The following SNAP91 variants were observed in gnomAD, a reference collection of about 807,000 sequenced individuals.
The protein encoded by SNAP91 is synaptosome associated protein 91, also known as clathrin coat assembly protein AP180.
SNAP91 carries 27 observed loss-of-function variants against 100.3 expected under a neutral mutation model. The ratio of observed to expected loss-of-function variants is 0.27; its 90% confidence interval spans 0.20 to 0.37. SNAP91 has a LOEUF of 0.37. Among genes scored for constraint, SNAP91 ranks in the 10% least tolerant of loss-of-function variants. The probability of loss-of-function intolerance (pLI) is 1.00; values close to 1 mark genes in which losing one functional copy is unlikely to be tolerated. For missense variants in SNAP91, 986 were observed against 1,123.7 expected (o/e 0.88, Z 1.75); for synonymous variants, 404 against 398.6 (o/e 1.01, Z -0.16).
intron 7 of SNAP91, among the ~76,000 whole-genome samples, chr6:83,648,490 C>T (rs139900248): frequency 4.0e-5 from 6 of 151,706 alleles, no homozygotes; most frequent in Non-Finnish European, 8.8e-5. Flanking sequence ...CCTAGTGGGT[C>T]ATAAGTTAGG....
chr6:83,605,249 T>G (rs2095537900), intron 14 of SNAP91, among the ~76,000 whole-genome samples: 1 of 152,126 alleles, frequency 6.6e-6, no homozygotes, highest in South Asian at 2.1e-4. Flanking sequence ...TAAAATCAAT[T>G]CAGGCCTAAA....
At chr6:83,572,849 T>C (rs550120917) in intron 26 of SNAP91, among the ~76,000 whole-genome samples, 2 of 152,340 alleles carry the variant, frequency 1.3e-5, no homozygotes, top group African/African-American at 4.8e-5. Flanking sequence ...TTAATGTCAT[T>C]ATGTAGTATT....
chr6:83,602,613 G>A (rs115000505), intron 14 of SNAP91, among the ~76,000 whole-genome samples: 63 of 152,070 alleles, frequency 4.1e-4, no homozygotes, highest in African/African-American at 1.5e-3. Flanking sequence ...GTATCCACCG[G>A]GCAAATTGTA....
rs951897290 is a variant in SNAP91 at position 83,659,404 on chromosome 6, T to C, written c.453-312A>G. ...TCTAAATCTATAATAAAGGTAATAG[T>C]GTTGAAAAGTATGTTTTCTTCTTTT... is the stretch of plus-strand genomic sequence containing the variant. On this transcript the variant is annotated intron_variant, in intron 5 of 29. Transcript: ENST00000369694. Among the ~76,000 whole-genome samples the C allele has an allele frequency of 4.0e-5, 6 of 151,498 alleles. No individual in the cohort carries two copies. The East Asian group carries it at 1.2e-3, about 29-fold the overall frequency.
intron 2 of SNAP91, among the ~76,000 whole-genome samples, chr6:83,698,487 G>A (rs755634757): frequency 2.6e-5 from 4 of 152,048 alleles, no homozygotes; most frequent in Non-Finnish European, 5.9e-5. Flanking sequence ...ACTAAGCAAG[G>A]TGACTAGTTG....
intron 2 of SNAP91, among the ~76,000 whole-genome samples, chr6:83,676,148 T>C (rs757382031): frequency 2.0e-5 from 3 of 151,926 alleles, no homozygotes; most frequent in Non-Finnish European, 2.9e-5. Flanking sequence ...CTTTGTTGAT[T>C]AATATATTAA....
chr6:83,651,928 T>G (rs563372609), intron 7 of SNAP91, among the ~76,000 whole-genome samples: 52 of 152,278 alleles, frequency 3.4e-4, no homozygotes, highest in African/African-American at 1.2e-3. Context: ...TTGTCTGCTG[T>G]TAGGTGCATA....
At position 83,556,223 on chromosome 6, in the gene SNAP91, G is replaced by A; in HGVS notation, c.2654C>T (p.Ala885Val). The A allele has an allele frequency of 6.4e-7, 1 of 1,568,460 alleles. No homozygotes were observed. The highest frequency in any genetic ancestry group is 8.6e-7 in the Non-Finnish European group (1 of 1,156,354). ...GTQLSPSPTP[A>V]SQSPKKPPAK... ...TGGAGGTTTCTTGGGACTCTGACTG[G>A]CAGGTGTAGGGCTTGGAGAAAGCTA... Residue 885 changes from alanine (A) to valine (V), a missense_variant, in exon 29 of 30, where the codon GCC (alanine) becomes GTC (valine). By Grantham distance (64) the Ala-to-Val change is moderately conservative. Transcript: ENST00000369694.
intron 8 of SNAP91, among the ~76,000 whole-genome samples, chr6:83,625,112 C>T (rs2128427497): frequency 6.6e-6 from 1 of 152,160 alleles, no homozygotes; most frequent in East Asian, 1.9e-4. Context: ...CAAGATTTAG[C>T]TCTCACTAAT....
intron 14 of SNAP91, among the ~76,000 whole-genome samples, chr6:83,602,683 G>T (rs926314989): frequency 8.5e-5 from 13 of 152,088 alleles, no homozygotes; most frequent in Non-Finnish European, 1.9e-4. Flanking sequence ...AGAAATTAGA[G>T]AATTTCTTTA....
chr6:83,639,052 C>T (rs1012056757), intron 8 of SNAP91, among the ~76,000 whole-genome samples: 3 of 152,158 alleles, frequency 2.0e-5, no homozygotes, highest in Non-Finnish European at 4.4e-5. Flanking sequence ...TGAATAGTTC[C>T]ATAGAACTTG....
At position 83,601,359 on chromosome 6, in the gene SNAP91, A is replaced by T; in HGVS notation, c.1236T>A (p.Thr412=). The change falls in exon 16 of 30, where the codon ACT becomes ACA. Residue 412 remains threonine, a synonymous_variant. Coordinates refer to ENST00000369694, the MANE Select transcript of SNAP91 (RefSeq NM_001242792.2). ...AGGCAGTTGCAATTTCAGCAGTTGTAGTAGGAGGGGTAGGTTCTGGTGCAA... is the reference window on the plus strand; with the variant it reads ...AGGCAGTTGCAATTTCAGCAGTTGTTGTAGGAGGGGTAGGTTCTGGTGCAA... ...DPFAPEPTPP[T]TTAEIATASA... The T allele has an allele frequency of 1.2e-6, 2 of 1,613,682 alleles. No individual in the cohort carries two copies. The highest frequency in any genetic ancestry group is 1.7e-6 in the Non-Finnish European group (2 of 1,179,810).
intron 8 of SNAP91, among the ~76,000 whole-genome samples, chr6:83,638,601 A>C (rs1289470632): frequency 6.6e-6 from 1 of 152,194 alleles, no homozygotes; most frequent in African/African-American, 2.4e-5. Context: ...TGTGATAAGA[A>C]GGCACTGAAA....
intron 26 of SNAP91, among the ~76,000 whole-genome samples, chr6:83,563,380 T>G (rs759210833): frequency 6.6e-6 from 1 of 152,076 alleles, no homozygotes; most frequent in Non-Finnish European, 1.5e-5. Flanking sequence ...GGGAAATTCC[T>G]CAACCCAATA....
At chr6:83,664,944 A>G (rs2098648607) in intron 3 of SNAP91, among the ~76,000 whole-genome samples, 1 of 152,142 alleles carries the variant, frequency 6.6e-6, no homozygotes, top group Non-Finnish European at 1.5e-5. Context: ...GCAGCCATCA[A>G]TATCAGGGCA....
At chr6:83,698,547 A>C (rs759072805) in intron 2 of SNAP91, among the ~76,000 whole-genome samples, 7 of 152,266 alleles carry the variant, frequency 4.6e-5, no homozygotes, top group Non-Finnish European at 7.4e-5. Context: ...TTACTCCCTT[A>C]GTAAAATTAA....
At chr6:83,641,250 A>AT in intron 7 of SNAP91, 48 bp from the exon 8 acceptor site, 2 of 818,144 alleles carry the variant, frequency 2.4e-6, no homozygotes, top group Non-Finnish European at 3.7e-6. Flanking sequence ...ATTATGTTCT[A>AT]TTTTTTTCTA....
chr6:83,586,378 T>C (rs988844013), intron 22 of SNAP91, among the ~76,000 whole-genome samples: 1 of 152,234 alleles, frequency 6.6e-6, no homozygotes, highest in African/African-American at 2.4e-5. Context: ...CTGGACCATA[T>C]AGTCCCTTGT....
intron 13 of SNAP91, 62 bp from the exon 14 acceptor site, chr6:83,605,865 G>T: frequency 1.6e-6 from 2 of 1,277,742 alleles, no homozygotes; most frequent in South Asian, 1.4e-5. Context: ...AGGTGTTTTT[G>T]AATAAAGACA....
Sources: allele counts gnomAD v4.1 joint callset (sites outside exome capture counted in the v4.1 genomes callset), GRCh38; gene constraint gnomAD v4.1.1; transcripts MANE v1.5; gene names NCBI Gene and HGNC (gene_info 2026-07-23, HGNC 2026-07-21).